Variants in GRIP2 observed in about 807,000 individuals in gnomAD.
The protein encoded by GRIP2 is glutamate receptor interacting protein 2, also known as glutamate receptor-interacting protein 2.
A neutral mutation model predicts 108.3 loss-of-function variants in GRIP2; 58 were observed. The observed-to-expected ratio is 0.54, with a 90% confidence interval of 0.43 to 0.67. The LOEUF (loss-of-function observed/expected upper bound fraction) is 0.67. GRIP2 is among the 30% of genes least tolerant of loss of function. The pLI is 0.00. For synonymous variants in GRIP2, 586 were observed against 598.2 expected (o/e 0.98, Z 0.30); for missense variants, 1,278 against 1,430.6 (o/e 0.89, Z 1.72).
chr3:14,506,755 G>A (rs369455154), intron 19 of GRIP2, 46 bp downstream of exon 19: 32 of 1,502,374 alleles, frequency 2.1e-5, no homozygotes, highest in Non-Finnish European at 2.7e-5. Context: ...CAGCAGGGGC[G>A]GCCTAGAGAG....
rs1034020832 is a variant in GRIP2, at chr3:14,510,988, G to A, written c.1933+177C>T. On this transcript the variant is annotated intron_variant, in intron 16 of 23. Transcript: ENST00000621039. ...GAGGCTCTGGAGGGCCCCAGACGCC[G>A]GGGACAGTGAGAAATCTGTGGTGTT... 5.3e-5 allele frequency among the ~76,000 whole-genome samples: 8 copies of A among 152,170 alleles called. No homozygotes were observed. In the East Asian group the frequency reaches 1.2e-3, roughly 22 times the overall value.
Position 14,505,710 on chromosome 3 carries a change from TG to T in GRIP2, c.2477del (p.Pro826HisfsTer64). The T allele has an allele frequency of 1.3e-6, 2 of 1,590,780 alleles. No homozygotes were observed. Among genetic ancestry groups the T allele is most frequent in the East Asian group, 2.3e-5 (1 of 43,614 alleles). On this transcript the variant is annotated frameshift_variant, in exon 20 of 24. Transcript: ENST00000621039. LOFTEE classifies it high-confidence loss of function. This position sits in a 1 kb window ranked among gnomAD's most constrained non-coding sequence, Gnocchi z 4.2. ...RRPGWLRGSP[P>X]PTEPRRTSYT... Reference sequence around the variant, plus strand: ...AGCTCGTCCTCCGGGGCTCGGTGGGTGGGGGGCTGCCCCTCAGCCAGCCAGG... The same window carrying T: ...AGCTCGTCCTCCGGGGCTCGGTGGGTGGGGGCTGCCCCTCAGCCAGCCAGG...
chr3:14,505,740 C>A lies in GRIP2; in HGVS notation c.2448G>T (p.Arg816=). The A allele has an allele frequency of 6.3e-7, 1 of 1,583,366 alleles. No homozygotes were observed. Among genetic ancestry groups the A allele is most frequent in the East Asian group, 2.3e-5 (1 of 43,464 alleles). Residue 816 remains arginine (R), a synonymous_variant, in exon 20 of 24, where the codon CGG becomes CGT. Transcript: ENST00000621039. The surrounding 1 kb of genome is among the most constrained non-coding windows in gnomAD (Gnocchi z 4.2). ...AAARGTTPQE[R]RPGWLRGSPP... ...GGCTGCCCCTCAGCCAGCCAGGCCT[C>A]CGCTCCTGGGGGGTCGTGCCCCGGG...
At chr3:14,523,996 T>TA in intron 4 of GRIP2, 2 of 495,352 alleles carry the variant, frequency 4.0e-6, no homozygotes, top group Non-Finnish European at 7.2e-6. Context: ...TCCAGACAGT[T>TA]ACTCAAACTT....
At chr3:14,516,571 CAATA>C (rs1694254215) in intron 11 of GRIP2, among the ~76,000 whole-genome samples, 1 of 152,136 alleles carries the variant, frequency 6.6e-6, no homozygotes, top group Admixed American at 6.5e-5. Flanking sequence ...CAATTTTGAA[CAATA>C]AATAAGCAGA....
intron 11 of GRIP2, 135 bp downstream of exon 11, chr3:14,516,929 G>A: frequency 1.2e-6 from 1 of 804,190 alleles, no homozygotes; most frequent in Non-Finnish European, 1.8e-6. Context: ...TTCCACTCAT[G>A]TTATTTAACA....
At position 14,522,985 on chromosome 3, in the gene GRIP2, T is replaced by A; in HGVS notation, c.566+15A>T. On this transcript the variant is annotated intron_variant, in intron 6 of 23. Transcript: ENST00000621039. This position sits in a 1 kb window ranked among gnomAD's most constrained non-coding sequence, Gnocchi z 4.3. ...AGGTCAGTGCAGTGTGTGGATTTCTTCTGCCTCGGCTCACCTGTCGGCAGG... is the reference window on the plus strand; with the variant it reads ...AGGTCAGTGCAGTGTGTGGATTTCTACTGCCTCGGCTCACCTGTCGGCAGG... 1 of 1,612,766 alleles carries A rather than the reference T, an allele frequency of 6.2e-7. No homozygotes were observed. Among genetic ancestry groups the A allele is most frequent in the Non-Finnish European group, 8.5e-7 (1 of 1,178,908 alleles).
chr3:14,519,718 C>T (rs1694352381), intron 9 of GRIP2, among the ~76,000 whole-genome samples: 1 of 152,180 alleles, frequency 6.6e-6, no homozygotes, highest in Non-Finnish European at 1.5e-5. Context: ...AAAGGAGAAA[C>T]TCCAGGCCCT....
At chr3:14,547,138 C>T (rs1695070199) in intron 1 of GRIP2, among the ~76,000 whole-genome samples, 1 of 151,900 alleles carries the variant, frequency 6.6e-6, no homozygotes, top group Admixed American at 6.6e-5. Context: ...CTTAGAAAAC[C>T]TAGTGTCACA....
Position 14,507,655 on chromosome 3 carries a change from G to T in GRIP2, c.2124C>A (p.Asn708Lys), listed in dbSNP as rs766697549. Residue 708 changes from asparagine to lysine, a missense_variant, in exon 18 of 24, where the codon AAC becomes AAA. Coordinates refer to ENST00000621039, the MANE Select transcript of GRIP2 (RefSeq NM_001080423.4). This position sits in a 1 kb window ranked among gnomAD's most constrained non-coding sequence, Gnocchi z 4.6. Reference protein sequence around the residue: ...HVGDRILAINNVSLKGRPLSE... With the variant: ...HVGDRILAINKVSLKGRPLSE... ...TCAGCGGCCGGCCCTTGAGGCTAAC[G>T]TTGTTGATGGCCAGAATGCGGTCCC... 3 of 1,614,028 alleles carry T rather than the reference G, an allele frequency of 1.9e-6. No homozygotes were observed. The highest frequency in any genetic ancestry group is 2.5e-6 in the Non-Finnish European group (3 of 1,179,902).
At chr3:14,493,888 C>A in intron 23 of GRIP2, 62 bp from the exon 24 acceptor site, 1 of 1,546,130 alleles carries the variant, frequency 6.5e-7, no homozygotes, top group South Asian at 1.2e-5. Flanking sequence ...CTGAAGGGAG[C>A]AAGAGGCATG....
chr3:14,521,864 C>A lies in GRIP2; in HGVS notation c.567-77G>T, dbSNP rs781118393. 3.4e-6 allele frequency: 4 copies of A among 1,172,766 alleles called. No homozygotes were observed. The highest frequency in any genetic ancestry group is 3.6e-5 in the South Asian group (2 of 55,930). 72.6% of individuals were successfully genotyped at this position (1,172,766 alleles called of 1,614,324 possible). A position where few individuals can be genotyped will look rare whatever the true frequency, so the allele number is the denominator to read the frequency against. On this transcript the variant is annotated intron_variant, in intron 6 of 23. Transcript: ENST00000621039. The surrounding 1 kb of genome is among the most constrained non-coding windows in gnomAD (Gnocchi z 5.1). ...GCCTGTCTGGGAGGGCGCTGGGAAGCGGGACATGGAGGATGAAGAAGCAGG... is the reference window on the plus strand; with the variant it reads ...GCCTGTCTGGGAGGGCGCTGGGAAGAGGGACATGGAGGATGAAGAAGCAGG...
chr3:14,494,652 T>G (rs1277446160), intron 23 of GRIP2, among the ~76,000 whole-genome samples, 191 bp downstream of exon 23: 1 of 152,138 alleles, frequency 6.6e-6, no homozygotes, highest in Non-Finnish European at 1.5e-5. Flanking sequence ...GCATGGGGTG[T>G]AAGAAGAAAG....
At chr3:14,499,559 A>G (rs1478872550) in intron 21 of GRIP2, among the ~76,000 whole-genome samples, 2 of 148,214 alleles carry the variant, frequency 1.3e-5, no homozygotes, top group African/African-American at 5.2e-5. Flanking sequence ...CTACCAAAAA[A>G]AAGAAAAAAA....
intron 22 of GRIP2, among the ~76,000 whole-genome samples, chr3:14,495,392 G>T (rs887125824): frequency 1.3e-5 from 2 of 152,022 alleles, no homozygotes; most frequent in African/African-American, 2.4e-5. Flanking sequence ...TATCTTTTTT[G>T]TTGTTGTTGT....
chr3:14,521,948 A>C lies in GRIP2; in HGVS notation c.567-161T>G. The C allele has an allele frequency of 1.6e-6, 1 of 627,446 alleles. No individual in the cohort carries two copies. Among genetic ancestry groups the C allele is most frequent in the East Asian group, 3.1e-5 (1 of 32,206 alleles). The allele number at this position is 627,446 out of a possible 1,614,324, so 38.9% of individuals were successfully genotyped here. A position where few individuals can be genotyped will look rare whatever the true frequency, so the allele number is the denominator to read the frequency against. On this transcript the variant is annotated intron_variant, in intron 6 of 23. Transcript: ENST00000621039. The surrounding 1 kb of genome is among the most constrained non-coding windows in gnomAD (Gnocchi z 5.1). ...GGTGAAGGGGCGCATGAGTGAGTGA[A>C]GGAATGAGCCACTCCAGGAGTGGGG...
At chr3:14,580,600 G>A in the GRIP2 span, among the ~76,000 whole-genome samples, 23 of 152,322 alleles carry the variant, frequency 1.5e-4, no homozygotes, top group African/African-American at 5.1e-4. Context: ...GACTGAGGCA[G>A]GAGGATCACT....
chr3:14,510,049 CTTAT>C, intron 16 of GRIP2, 85 bp from the exon 17 acceptor site: 4 of 1,197,942 alleles, frequency 3.3e-6, no homozygotes, highest in Middle Eastern at 2.1e-4. Flanking sequence ...CTCACTCATA[CTTAT>C]TTATTAATTC....
At chr3:14,524,560 A>G (rs1032500599) in intron 3 of GRIP2, 22 bp from the exon 4 acceptor site, 1 of 1,549,560 alleles carries the variant, frequency 6.5e-7, no homozygotes, top group African/African-American at 1.4e-5. Flanking sequence ...AGGCCAGGGC[A>G]CACATGGTAA....
Sources: allele counts gnomAD v4.1 joint callset (sites outside exome capture counted in the v4.1 genomes callset), GRCh38; gene constraint gnomAD v4.1.1; non-coding constraint Gnocchi (gnomAD v3.1); transcripts MANE v1.5; gene names NCBI Gene and HGNC (gene_info 2026-07-23, HGNC 2026-07-21).